The following VWC2L variants were observed in gnomAD, a reference collection of about 807,000 sequenced individuals.
The protein encoded by VWC2L is von Willebrand factor C domain containing 2 like.
A neutral mutation model predicts 21.6 loss-of-function variants in VWC2L; 10 were observed. The ratio of observed to expected loss-of-function variants is 0.46; its 90% CI spans 0.29 to 0.78. The LOEUF (loss-of-function observed/expected upper bound fraction) is 0.78. VWC2L is among the 30% of genes least tolerant of loss of function. VWC2L has a pLI of 0.10. For synonymous variants in VWC2L, 96 were observed against 94.3 expected (o/e 1.02, Z -0.10); for missense variants, 209 against 277.1 (o/e 0.75, Z 1.74).
Position 214,553,707 on chromosome 2 carries a change from T to C in VWC2L, c.521-21965T>C, listed in dbSNP as rs574774447. ...TTAATGCTGGTCAGCTGTGCCTGGA[T>C]TCCAAAAGGTAGGAGAGTAAAATGA... On this transcript the variant is annotated intron_variant, in intron 3 of 3. Coordinates refer to ENST00000312504, the MANE Select transcript of VWC2L (RefSeq NM_001080500.4). Among the ~76,000 whole-genome samples, 341 of 152,286 alleles carry C rather than the reference T, an allele frequency of 2.2e-3. 4 individuals are homozygous for C. Among genetic ancestry groups the C allele is most frequent in the South Asian group, 0.016 (75 of 4,820 alleles).
chr2:214,539,608 G>A (rs1689595261), intron 3 of VWC2L, among the ~76,000 whole-genome samples: 2 of 152,126 alleles, frequency 1.3e-5, no homozygotes, highest in African/African-American at 4.8e-5. Context: ...ACCTTGTATA[G>A]TAGTTAATCC....
intron 2 of VWC2L, among the ~76,000 whole-genome samples, chr2:214,424,236 A>G (rs913466635): frequency 6.6e-6 from 1 of 152,168 alleles, no homozygotes; most frequent in Non-Finnish European, 1.5e-5. Context: ...GAATGCTAGC[A>G]TCCTGTGTGA....
chr2:214,482,759 T>A (rs1292696840), intron 3 of VWC2L, among the ~76,000 whole-genome samples: 1 of 151,828 alleles, frequency 6.6e-6, no homozygotes, highest in Non-Finnish European at 1.5e-5. Flanking sequence ...TGAAACTGCA[T>A]CTCAAAAAAA....
Position 214,414,164 on chromosome 2 carries a change from G to GAGCACATCCAGA in VWC2L, c.-27_-16dup. On this transcript the variant is annotated 5_prime_UTR_variant, in exon 2 of 4. Transcript: ENST00000312504. ...AGGAGCTGAGTATATTTAATATTAGGAGCACATCCAGAAGTCTTTGAAGAG... is the reference window on the plus strand; with the variant it reads ...AGGAGCTGAGTATATTTAATATTAGGAGCACATCCAGAAGCACATCCAGAAGTCTTTGAAGAG... 1 of 1,584,814 alleles carries GAGCACATCCAGA rather than the reference G, an allele frequency of 6.3e-7. No individual in the cohort carries two copies.
intron 3 of VWC2L, among the ~76,000 whole-genome samples, chr2:214,442,725 A>C (rs1257262096): frequency 6.6e-6 from 1 of 152,036 alleles, no homozygotes; most frequent in Non-Finnish European, 1.5e-5. Flanking sequence ...TCTAGAGAAA[A>C]GGCAAGAAAA....
intron 3 of VWC2L, among the ~76,000 whole-genome samples, chr2:214,450,158 A>C (rs1440516990): frequency 2.0e-5 from 3 of 152,176 alleles, no homozygotes; most frequent in African/African-American, 7.2e-5. Context: ...GAAAGATGAC[A>C]ATGACAAGGA....
chr2:214,553,394 A>G (rs987999308), intron 3 of VWC2L, among the ~76,000 whole-genome samples: 4 of 152,180 alleles, frequency 2.6e-5, no homozygotes, highest in African/African-American at 9.6e-5. Context: ...AACACATGTA[A>G]GATGTACATG....
intron 3 of VWC2L, among the ~76,000 whole-genome samples, chr2:214,492,615 G>A (rs1336342772): frequency 6.6e-6 from 1 of 152,172 alleles, no homozygotes; most frequent in Non-Finnish European, 1.5e-5. Flanking sequence ...CACTTATCGT[G>A]TGTATATAAA....
chr2:214,473,871 T>A (rs1252651326), intron 3 of VWC2L: 1 of 152,170 alleles, frequency 6.6e-6, no homozygotes, highest in East Asian at 1.9e-4. Flanking sequence ...GAACATCTTT[T>A]AGCAGAGGGC....
chr2:214,564,787 C>T (rs1690036756), intron 3 of VWC2L, among the ~76,000 whole-genome samples: 1 of 151,874 alleles, frequency 6.6e-6, no homozygotes, highest in African/African-American at 2.4e-5. Context: ...ATTTTTATGC[C>T]CCAAACCAAA....
At chr2:214,454,604 T>C (rs981030639) in intron 3 of VWC2L, among the ~76,000 whole-genome samples, 2 of 131,018 alleles carry the variant, frequency 1.5e-5, no homozygotes, top group African/African-American at 5.8e-5. Context: ...TTTTCTTTTT[T>C]TTTTTTTTTT....
rs144772855 is a variant in VWC2L, at chr2:214,467,737, C to G, written c.520+30979C>G. Reference sequence around the variant, plus strand: ...CAATTCATAGCTAACCAAATTAAAACGTAATATTCATTGTCCCTAAATAAC... The same window carrying G: ...CAATTCATAGCTAACCAAATTAAAAGGTAATATTCATTGTCCCTAAATAAC... On this transcript the variant is annotated intron_variant, in intron 3 of 3. Coordinates refer to ENST00000312504, the MANE Select transcript of VWC2L (RefSeq NM_001080500.4). Among the ~76,000 whole-genome samples the G allele has an allele frequency of 1.9e-3, 282 of 152,258 alleles. 1 individual carries two copies. The highest frequency in any genetic ancestry group is 6.5e-3 in the African/African-American group (272 of 41,560).
At chr2:214,573,056 T>C (rs536062010) in intron 3 of VWC2L, among the ~76,000 whole-genome samples, 10 of 152,318 alleles carry the variant, frequency 6.6e-5, no homozygotes, top group African/African-American at 2.4e-4. Flanking sequence ...CGTAGTACGA[T>C]ACCAGCATAT....
Position 214,459,902 on chromosome 2 carries a change from CTT to C in VWC2L, c.520+23165_520+23166del, listed in dbSNP as rs57351904. ...TCTAGAATTATTTCTTTTCCTTTGACTTTTTTTTTTTTTTTTTTTTTTGAGAT... is the reference window on the plus strand; with the variant it reads ...TCTAGAATTATTTCTTTTCCTTTGACTTTTTTTTTTTTTTTTTTTTGAGAT... On this transcript the variant is annotated intron_variant, in intron 3 of 3. Transcript: ENST00000312504. Among the ~76,000 whole-genome samples, 6 of 85,158 alleles carry C rather than the reference CTT, an allele frequency of 7.0e-5. No individual in the cohort carries two copies. In the South Asian group the frequency reaches 1.3e-3, roughly 18 times the overall value. 55.9% of individuals were successfully genotyped at this position (85,158 alleles called of 152,430 possible).
At chr2:214,418,337 A>G (rs11689498) in intron 2 of VWC2L, among the ~76,000 whole-genome samples, 25,051 of 152,190 alleles carry the variant, frequency 0.16, 2,112 homozygotes, top group East Asian at 0.25. Context: ...TACGGATAAG[A>G]AAACTGAAGC....
chr2:214,477,986 C>T (rs1016297562), intron 3 of VWC2L, among the ~76,000 whole-genome samples: 1 of 152,112 alleles, frequency 6.6e-6, no homozygotes, highest in South Asian at 2.1e-4. Flanking sequence ...AGTTCTTCCC[C>T]AGCTCTTAGA....
intron 3 of VWC2L, among the ~76,000 whole-genome samples, chr2:214,569,602 G>A (rs1416474256): frequency 6.6e-6 from 1 of 152,118 alleles, no homozygotes; most frequent in Non-Finnish European, 1.5e-5. Context: ...TGAGGCACCA[G>A]CTCCAGTACA....
intron 3 of VWC2L, among the ~76,000 whole-genome samples, chr2:214,553,237 G>A (rs868739934): frequency 6.6e-6 from 1 of 152,188 alleles, no homozygotes; most frequent in Non-Finnish European, 1.5e-5. Context: ...AGTAACAGTC[G>A]AACTCTGTAA....
intron 3 of VWC2L, among the ~76,000 whole-genome samples, chr2:214,473,325 C>T (rs1451616200): frequency 2.0e-5 from 3 of 152,064 alleles, no homozygotes; most frequent in African/African-American, 7.2e-5. Context: ...CAGATAAACC[C>T]CCAATTTTCA....
Sources: allele counts gnomAD v4.1 joint callset (sites outside exome capture counted in the v4.1 genomes callset), GRCh38; gene constraint gnomAD v4.1.1; transcripts MANE v1.5; gene names NCBI Gene and HGNC (gene_info 2026-07-23, HGNC 2026-07-21).